The following DAB1 variants were observed in gnomAD, a reference collection of about 807,000 sequenced individuals.
The protein encoded by DAB1 is disabled homolog 1.
In DAB1, 15 loss-of-function variants were observed where a neutral mutation model predicts 64.6. The observed-to-expected ratio is 0.23, with a 90% CI of 0.16 to 0.36. The LOEUF is 0.36. DAB1 is among the 10% of genes least tolerant of loss of function. DAB1 has a pLI of 1.00. For missense variants in DAB1, 596 were observed against 706.7 expected (o/e 0.84, Z 1.78); for synonymous variants, 235 against 251.9 (o/e 0.93, Z 0.64).
intron 4 of DAB1, among the ~76,000 whole-genome samples, chr1:58,174,986 C>A (rs1656387462): frequency 6.6e-6 from 1 of 152,182 alleles, no homozygotes; most frequent in Non-Finnish European, 1.5e-5. Context: ...GTAAAATGGA[C>A]CAATCAGCAG....
intron 5 of DAB1, among the ~76,000 whole-genome samples, chr1:58,139,296 C>T (rs576461051): frequency 1.3e-5 from 2 of 152,128 alleles, no homozygotes; most frequent in East Asian, 1.9e-4. Context: ...TTACTGTATT[C>T]GTCCATTCTC....
intron 1 of DAB1, among the ~76,000 whole-genome samples, chr1:57,836,101 G>C (rs1290737008): frequency 1.3e-5 from 2 of 152,222 alleles, no homozygotes; most frequent in African/African-American, 2.4e-5. Context: ...GGGGGAGAAA[G>C]AGGAAGGAAT....
chr1:58,035,597 C>G (rs897663392), intron 5 of DAB1, among the ~76,000 whole-genome samples: 1 of 148,376 alleles, frequency 6.7e-6, no homozygotes, highest in African/African-American at 2.6e-5. Context: ...AATTCACATC[C>G]AAATTGTTTA....
chr1:58,009,141 T>G (rs2100424293), intron 5 of DAB1, among the ~76,000 whole-genome samples: 1 of 152,302 alleles, frequency 6.6e-6, no homozygotes, highest in African/African-American at 2.4e-5. Flanking sequence ...AGAACAACTC[T>G]AAAAGGTATA....
At chr1:57,019,488 C>T in intron 11 of DAB1, among the ~76,000 whole-genome samples, 1 of 152,174 alleles carries the variant, frequency 6.6e-6, no homozygotes, top group Non-Finnish European at 1.5e-5. Flanking sequence ...AAAGGCAGCA[C>T]AGGGTAATTG....
At chr1:58,128,508 T>A (rs1412600870) in intron 5 of DAB1, among the ~76,000 whole-genome samples, 4 of 132,998 alleles carry the variant, frequency 3.0e-5, no homozygotes, top group Non-Finnish European at 4.7e-5. Flanking sequence ...ATAGGAGTGG[T>A]GAGAGAGGGC....
chr1:57,378,167 A>G (rs1681061228), intron 1 of DAB1, among the ~76,000 whole-genome samples: 1 of 152,146 alleles, frequency 6.6e-6, no homozygotes, highest in South Asian at 2.1e-4. Flanking sequence ...GACAAACAAA[A>G]GACGTCCAGC....
At chr1:58,267,092 C>T (rs375103024) in intron 4 of DAB1, among the ~76,000 whole-genome samples, 4 of 152,200 alleles carry the variant, frequency 2.6e-5, no homozygotes, top group African/African-American at 7.2e-5. Flanking sequence ...TCATGGCATA[C>T]GCCTGTGGTC....
At chr1:58,085,958 CTTTTTTT>C (rs911523306) in intron 5 of DAB1, among the ~76,000 whole-genome samples, 3 of 98,722 alleles carry the variant, frequency 3.0e-5, no homozygotes, top group African/African-American at 1.3e-4. Context: ...ATCTCTCTCT[CTTTTTTT>C]TTTTTTTTTT....
chr1:57,321,289 T>C (rs1675693851), intron 1 of DAB1, among the ~76,000 whole-genome samples: 1 of 152,186 alleles, frequency 6.6e-6, no homozygotes, highest in East Asian at 1.9e-4. Flanking sequence ...CTAAGATCAC[T>C]CCTTCCTTCT....
At chr1:58,526,216 C>A (rs115814668) in intron 2 of DAB1, among the ~76,000 whole-genome samples, 1,677 of 152,122 alleles carry the variant, frequency 0.011, 32 homozygotes, top group African/African-American at 0.038. Context: ...TATGTGGGAA[C>A]TTCTTAGTGC....
At chr1:57,978,797 C>G (rs1432207535) in intron 5 of DAB1, among the ~76,000 whole-genome samples, 1 of 152,148 alleles carries the variant, frequency 6.6e-6, no homozygotes, top group African/African-American at 2.4e-5. Context: ...ATTTATGCAG[C>G]CAGCAGACAT....
chr1:58,111,095 T>C (rs1651941510), intron 5 of DAB1, among the ~76,000 whole-genome samples: 3 of 152,218 alleles, frequency 2.0e-5, no homozygotes, highest in Admixed American at 1.3e-4. Flanking sequence ...ATGTTATTTG[T>C]AGTCAAGACC....
chr1:58,303,292 T>A (rs1168572871), intron 4 of DAB1, among the ~76,000 whole-genome samples: 1 of 152,158 alleles, frequency 6.6e-6, no homozygotes, highest in Non-Finnish European at 1.5e-5. Context: ...CTGCTGTTGC[T>A]AATCTTTGGG....
intron 2 of DAB1, among the ~76,000 whole-genome samples, chr1:57,273,569 TCC>T (rs1558066951): frequency 3.7e-5 from 2 of 53,946 alleles, no homozygotes; most frequent in African/African-American, 1.6e-4. Context: ...CTTCCTTCCT[TCC>T]TTCCTTCCTT....
chr1:57,979,950 A>T (rs1341990342), intron 5 of DAB1, among the ~76,000 whole-genome samples: 1 of 152,112 alleles, frequency 6.6e-6, no homozygotes, highest in Non-Finnish European at 1.5e-5. Context: ...AAAAGAAAGG[A>T]CTTGTTCATA....
At chr1:57,947,733 T>C (rs918314398) in intron 5 of DAB1, among the ~76,000 whole-genome samples, 3 of 152,062 alleles carry the variant, frequency 2.0e-5, no homozygotes, top group Non-Finnish European at 4.4e-5. Flanking sequence ...CTATGGAGAA[T>C]GGTGGAAGGA....
At chr1:57,022,271 CA>C (rs1164706055) in intron 11 of DAB1, among the ~76,000 whole-genome samples, 2 of 152,154 alleles carry the variant, frequency 1.3e-5, no homozygotes, top group Non-Finnish European at 2.9e-5. Context: ...AAGACTCAAG[CA>C]TAGAAGGGTG....
At chr1:57,925,521 T>C (rs1644866710) in intron 5 of DAB1, among the ~76,000 whole-genome samples, 1 of 152,208 alleles carries the variant, frequency 6.6e-6, no homozygotes, top group Non-Finnish European at 1.5e-5. Context: ...AACTAGACTC[T>C]AGATACTGGG....
Sources: gnomAD v4.1 joint callset for allele counts (sites outside exome capture counted in the v4.1 genomes callset) on GRCh38, gnomAD v4.1.1 for gene constraint, MANE v1.5 for transcripts, NCBI Gene and HGNC (gene_info 2026-07-23, HGNC 2026-07-21) for gene names.